Variants in RGS5 observed in about 807,000 individuals in gnomAD.
RGS5 encodes regulator of G protein signaling 5.
RGS5 carries 20 observed loss-of-function variants against 18.9 expected under a neutral mutation model. That is an observed-to-expected ratio of 1.06 (90% confidence interval 0.74 to 1.54). RGS5 has a LOEUF of 1.54. RGS5 is among the 40% of genes most tolerant of loss of function. The pLI is 0.00. For missense variants in RGS5, 201 were observed against 211.8 expected (o/e 0.95, Z 0.32); for synonymous variants, 57 against 76.2 (o/e 0.75, Z 1.31).
At chr1:163,175,442 G>A (rs1482717124) in intron 1 of RGS5, among the ~76,000 whole-genome samples, 1 of 152,194 alleles carries the variant, frequency 6.6e-6, no homozygotes, top group African/African-American at 2.4e-5. Flanking sequence ...ACAGGGTAAT[G>A]GATGATCTTG....
intron 2 of RGS5, among the ~76,000 whole-genome samples, chr1:163,294,682 G>T (rs1229333309): frequency 1.3e-5 from 2 of 152,150 alleles, no homozygotes; most frequent in Non-Finnish European, 2.9e-5. Context: ...CCAGAAAATG[G>T]GGTTTTCTTT....
At chr1:163,180,880 G>T (rs1376660304) in intron 1 of RGS5, among the ~76,000 whole-genome samples, 1 of 151,738 alleles carries the variant, frequency 6.6e-6, no homozygotes, top group Admixed American at 6.6e-5. Context: ...ATTTTTAGTA[G>T]AGACGGGGTT....
chr1:163,247,647 C>T (rs1469602834), intron 2 of RGS5, among the ~76,000 whole-genome samples: 1 of 149,956 alleles, frequency 6.7e-6, no homozygotes, highest in South Asian at 2.1e-4. Flanking sequence ...TTATATATAA[C>T]CTTTTTGATA....
chr1:163,195,488 G>T (rs1331133311), intron 1 of RGS5, among the ~76,000 whole-genome samples: 1 of 151,980 alleles, frequency 6.6e-6, no homozygotes, highest in African/African-American at 2.4e-5. Context: ...CAGTGCTTGG[G>T]TGAAGGGTGC....
intron 1 of RGS5, among the ~76,000 whole-genome samples, chr1:163,307,525 G>C (rs1256047214): frequency 6.6e-6 from 1 of 152,034 alleles, no homozygotes; most frequent in Non-Finnish European, 1.5e-5. Context: ...TGGGTCCCAT[G>C]CCGGTTAAGG....
chr1:163,320,529 A>G (rs1368877146), intron 1 of RGS5, among the ~76,000 whole-genome samples: 1 of 152,162 alleles, frequency 6.6e-6, no homozygotes, highest in African/African-American at 2.4e-5. Flanking sequence ...TCACTACGCT[A>G]TGGTTCCCTT....
chr1:163,174,008 G>A (rs758702585), intron 1 of RGS5, among the ~76,000 whole-genome samples: 47 of 152,092 alleles, frequency 3.1e-4, no homozygotes, highest in Non-Finnish European at 8.8e-5. Context: ...CCCAGGAGGT[G>A]GAGGTTGCAG....
intron 2 of RGS5, among the ~76,000 whole-genome samples, chr1:163,292,124 A>C (rs1222877396): frequency 6.6e-6 from 1 of 152,066 alleles, no homozygotes; most frequent in Non-Finnish European, 1.5e-5. Context: ...CCCAGGTATT[A>C]AGCCGAGCAT....
At chr1:163,282,087 GACTATATCAC>G (rs1358610973) in intron 2 of RGS5, among the ~76,000 whole-genome samples, 2 of 151,784 alleles carry the variant, frequency 1.3e-5, no homozygotes, top group Admixed American at 1.3e-4. Context: ...AGACATATAG[GACTATATCAC>G]ACTAAAAAGC....
rs1432634353 is a variant in RGS5, at chr1:163,310,861, C to A, written c.-377-4532G>T. Among the ~76,000 whole-genome samples the A allele has an allele frequency of 2.6e-5, 4 of 152,098 alleles. No homozygotes were observed. In the South Asian group the frequency reaches 8.3e-4, roughly 32 times the overall value. On this transcript the variant is annotated intron_variant, in intron 1 of 5. Transcript: ENST00000618415. ...GGCTGAGGAGGCCTCAGGAAACTTA[C>A]AATCATGGCGGAATGCAAAGGGGAA...
intron 2 of RGS5, 61 bp from the exon 3 acceptor site, chr1:163,162,037 C>A (rs1290630430): frequency 9.4e-7 from 1 of 1,058,564 alleles, no homozygotes; most frequent in Non-Finnish European, 1.5e-6. Context: ...ACCACATGTA[C>A]CAGCAATAAC....
In RGS5 at chr1:163,294,824, A is replaced by C. The variant is rs562183139; in HGVS notation, c.-281+11409T>G. Among the ~76,000 whole-genome samples, 283 of 152,216 alleles carry C rather than the reference A, an allele frequency of 1.9e-3. 1 individual carries two copies. The highest frequency in any genetic ancestry group is 6.6e-3 in the African/African-American group (273 of 41,554). ...GCACACTTTCAGAAAAAAACGGGTC[A>C]CCTCTTGAATGCTTTGCTGCTTAGA... On this transcript the variant is annotated intron_variant, in intron 2 of 5. Coordinates refer to the RGS5 transcript ENST00000618415.
chr1:163,194,807 T>G (rs923162968), intron 1 of RGS5, among the ~76,000 whole-genome samples: 2 of 152,184 alleles, frequency 1.3e-5, no homozygotes, highest in Non-Finnish European at 2.9e-5. Flanking sequence ...TTACCGGATA[T>G]TCAATGAATT....
intron 1 of RGS5, among the ~76,000 whole-genome samples, chr1:163,193,241 C>CA (rs1557899398): frequency 6.6e-6 from 1 of 152,144 alleles, no homozygotes; most frequent in East Asian, 1.9e-4. Context: ...CCTGGGGAAA[C>CA]AGTTAGGAAG....
At chr1:163,258,579 CTTAAG>C (rs1183634333) in intron 2 of RGS5, among the ~76,000 whole-genome samples, 1 of 151,908 alleles carries the variant, frequency 6.6e-6, no homozygotes, top group Non-Finnish European at 1.5e-5. Context: ...AGCTGTTCAC[CTTAAG>C]TTATTTAACC....
chr1:163,293,632 A>G (rs1649677507), intron 2 of RGS5, among the ~76,000 whole-genome samples: 1 of 152,116 alleles, frequency 6.6e-6, no homozygotes, highest in Non-Finnish European at 1.5e-5. Context: ...TCAAAACACA[A>G]TTATGCCTTC....
intron 3 of RGS5, among the ~76,000 whole-genome samples, chr1:163,154,844 A>G (rs1455824937): frequency 6.7e-6 from 1 of 149,332 alleles, no homozygotes; most frequent in Non-Finnish European, 1.5e-5. Context: ...TTATATCTAT[A>G]TATAATATAT....
intron 1 of RGS5, among the ~76,000 whole-genome samples, chr1:163,179,889 C>G (rs1361383882): frequency 1.3e-5 from 2 of 152,160 alleles, no homozygotes; most frequent in East Asian, 1.9e-4. Context: ...TTCCCAATAT[C>G]CCATTTTTAT....
At chr1:163,247,602 G>A (rs114466359) in intron 2 of RGS5, among the ~76,000 whole-genome samples, 16,525 of 143,366 alleles carry the variant, frequency 0.12, 1,221 homozygotes, top group South Asian at 0.21. Context: ...ATATATATAT[G>A]TATACGTATG....
Sources: gnomAD v4.1 joint callset for allele counts (sites outside exome capture counted in the v4.1 genomes callset) on GRCh38, gnomAD v4.1.1 for gene constraint, MANE v1.5 for transcripts, NCBI Gene and HGNC (gene_info 2026-07-23, HGNC 2026-07-21) for gene names.